The following LAMA2 variants were observed in gnomAD, a reference collection of about 807,000 sequenced individuals.
LAMA2 encodes the protein laminin subunit alpha-2.
In LAMA2, 269 loss-of-function variants were observed where a neutral mutation model predicts 364.8. That is an observed-to-expected ratio of 0.74 (90% CI 0.67 to 0.82). LAMA2 has a LOEUF of 0.82. Among genes scored for constraint, LAMA2 ranks in the 40% least tolerant of loss-of-function variants. The probability of loss-of-function intolerance (pLI) is 0.00; values close to 1 mark genes in which losing one functional copy is unlikely to be tolerated. For synonymous variants in LAMA2, 1,379 were observed against 1,370.6 expected (o/e 1.01, Z -0.14); for missense variants, 3,807 against 3,873.2 (o/e 0.98, Z 0.45).
intron 1 of LAMA2, among the ~76,000 whole-genome samples, chr6:128,908,172 C>T (rs1219409217): frequency 6.7e-6 from 1 of 149,398 alleles, no homozygotes; most frequent in African/African-American, 2.5e-5. Context: ...GGAGGATTCC[C>T]TCTTTTTCTA....
chr6:128,976,210 G>A (rs1184079417), intron 1 of LAMA2, among the ~76,000 whole-genome samples: 1 of 152,136 alleles, frequency 6.6e-6, no homozygotes, highest in Non-Finnish European at 1.5e-5. Flanking sequence ...GGAGGAAGAA[G>A]GCTCTAGGCA....
chr6:129,231,650 A>G (rs1181918872), intron 12 of LAMA2, among the ~76,000 whole-genome samples: 1 of 152,156 alleles, frequency 6.6e-6, no homozygotes, highest in Non-Finnish European at 1.5e-5. Context: ...CTAGGCATAC[A>G]CACACTTTAT....
chr6:129,503,360 A>G, intron 60 of LAMA2, 80 bp downstream of exon 60: 1 of 1,363,762 alleles, frequency 7.3e-7, no homozygotes, highest in Non-Finnish European at 1.0e-6. Context: ...GTGCCAGTAT[A>G]TTTTGCCAGG....
intron 29 of LAMA2, 68 bp from the exon 30 acceptor site, chr6:129,342,275 T>G: frequency 7.2e-7 from 1 of 1,384,282 alleles, no homozygotes; most frequent in South Asian, 1.2e-5. Context: ...AGCTAGGGAC[T>G]GTATGATAAA....
intron 22 of LAMA2, among the ~76,000 whole-genome samples, chr6:129,310,461 G>A (rs1156325139): frequency 6.6e-6 from 1 of 152,154 alleles, no homozygotes; most frequent in Admixed American, 6.5e-5. Context: ...TTACCACTGG[G>A]CTGTAGATCT....
At chr6:128,910,789 T>C (rs1777867761) in intron 1 of LAMA2, among the ~76,000 whole-genome samples, 1 of 150,640 alleles carries the variant, frequency 6.6e-6, no homozygotes, top group African/African-American at 2.5e-5. Flanking sequence ...TGGTCTTTGA[T>C]GATGGTGATG....
chr6:128,914,471 A>C (rs1274149062), intron 1 of LAMA2, among the ~76,000 whole-genome samples: 1 of 152,170 alleles, frequency 6.6e-6, no homozygotes, highest in African/African-American at 2.4e-5. Flanking sequence ...CCTCTATCTC[A>C]TATATATGTA....
intron 1 of LAMA2, among the ~76,000 whole-genome samples, chr6:128,920,709 G>A (rs1778652043): frequency 1.3e-5 from 2 of 150,422 alleles, no homozygotes; most frequent in African/African-American, 4.9e-5. Context: ...GTATATATAT[G>A]CATATATATG....
At chr6:129,103,142 A>G (rs1279183606) in intron 4 of LAMA2, among the ~76,000 whole-genome samples, 1 of 152,228 alleles carries the variant, frequency 6.6e-6, no homozygotes, top group Non-Finnish European at 1.5e-5. Context: ...GATGTTGAGA[A>G]GGTTATCTTC....
intron 17 of LAMA2, among the ~76,000 whole-genome samples, chr6:129,271,649 A>C (rs1787950398): frequency 6.6e-6 from 1 of 151,908 alleles, no homozygotes; most frequent in African/African-American, 2.4e-5. Flanking sequence ...GATTATAAAT[A>C]ACTATACTTT....
chr6:128,929,376 T>A (rs1779302415), intron 1 of LAMA2: 1 of 1,004,648 alleles, frequency 1.0e-6, no homozygotes, highest in East Asian at 2.4e-5. Context: ...ACAAAGAAGT[T>A]CATCAGTCAT....
At chr6:129,009,238 A>T (rs1352772610) in intron 1 of LAMA2, among the ~76,000 whole-genome samples, 1 of 152,172 alleles carries the variant, frequency 6.6e-6, no homozygotes, top group Non-Finnish European at 1.5e-5. Context: ...TGTAGAAATA[A>T]ATAGTCTTCC....
chr6:129,270,887 T>C (rs1056579686), intron 17 of LAMA2, 136 bp downstream of exon 17: 11 of 976,730 alleles, frequency 1.1e-5, no homozygotes, highest in South Asian at 1.0e-4. Context: ...AGGAAAATTA[T>C]ATGAATTTTT....
In LAMA2 at chr6:129,131,162, C is replaced by T. The variant is rs369073493; in HGVS notation, c.640-12739C>T. On this transcript the variant is annotated intron_variant, in intron 4 of 64. Coordinates refer to ENST00000421865, the MANE Select transcript of LAMA2 (RefSeq NM_000426.4). ...AAATGTATAAAAGAAAGCAATTCAGCCCTGGCCCCTGGATGATTGATTAAA... is the reference window on the plus strand; with the variant it reads ...AAATGTATAAAAGAAAGCAATTCAGTCCTGGCCCCTGGATGATTGATTAAA... Among the ~76,000 whole-genome samples the T allele has an allele frequency of 7.2e-5, 11 of 152,142 alleles. 1 individual carries two copies. The highest frequency in any genetic ancestry group is 5.2e-4 in the Admixed American group (8 of 15,274).
intron 3 of LAMA2, among the ~76,000 whole-genome samples, chr6:129,091,582 G>T (rs1315995763): frequency 6.6e-6 from 1 of 152,152 alleles, no homozygotes; most frequent in Admixed American, 6.5e-5. Flanking sequence ...GGGGTAGGAG[G>T]TTGGATAAGT....
chr6:129,320,386 C>A, intron 27 of LAMA2, 152 bp from the exon 28 acceptor site: 1 of 672,092 alleles, frequency 1.5e-6, no homozygotes, highest in South Asian at 1.5e-5. Context: ...AACTTATGTA[C>A]AATTATTATT....
At chr6:129,344,724 A>G (rs1186725232) in intron 30 of LAMA2, among the ~76,000 whole-genome samples, 3 of 152,192 alleles carry the variant, frequency 2.0e-5, no homozygotes, top group Non-Finnish European at 4.4e-5. Context: ...GAGCAGTCAG[A>G]AGAGAGGGAA....
intron 4 of LAMA2, among the ~76,000 whole-genome samples, chr6:129,125,018 A>G (rs1348654596): frequency 6.6e-6 from 1 of 152,184 alleles, no homozygotes; most frequent in Non-Finnish European, 1.5e-5. Context: ...AGTAGTGAGA[A>G]GTGGCGGAAT....
At chr6:129,225,026 A>C (rs1360112415) in intron 12 of LAMA2, among the ~76,000 whole-genome samples, 9 of 152,192 alleles carry the variant, frequency 5.9e-5, no homozygotes, top group Admixed American at 5.9e-4. Flanking sequence ...TTATTGGTCT[A>C]TTCAGAGATT....
Sources: allele counts gnomAD v4.1 joint callset (sites outside exome capture counted in the v4.1 genomes callset), GRCh38; gene constraint gnomAD v4.1.1; transcripts MANE v1.5; gene names NCBI Gene and HGNC (gene_info 2026-07-23, HGNC 2026-07-21).